The following CHD2 variants were observed in gnomAD, a reference collection of about 807,000 sequenced individuals.
CHD2 encodes the protein chromodomain helicase DNA binding protein 2, also known as ATP-dependent chromatin remodeler CHD2.
In CHD2, 28 loss-of-function variants were observed where a neutral mutation model predicts 243.9. The ratio of observed to expected loss-of-function variants is 0.11; its 90% CI spans 0.09 to 0.16. The LOEUF is 0.16. CHD2 is among the 10% of genes least tolerant of loss of function. CHD2 has a pLI of 1.00. For missense variants in CHD2, 1,386 were observed against 2,209.8 expected (o/e 0.63, Z 7.47); for synonymous variants, 775 against 779.0 (o/e 0.99, Z 0.09).
intron 38 of CHD2, chr15:93,020,697 A>G: frequency 4.2e-6 from 1 of 237,018 alleles, no homozygotes; most frequent in Non-Finnish European, 8.2e-6. Flanking sequence ...CACCAGTAGT[A>G]CGATGAGCCG....
intron 36 of CHD2, 30 bp downstream of exon 36, chr15:93,012,474 C>T (rs760183600): frequency 4.9e-6 from 7 of 1,436,872 alleles, no homozygotes; most frequent in South Asian, 3.8e-5. Context: ...CTAATTCATA[C>T]AAACAAATAC....
intron 22 of CHD2, 102 bp downstream of exon 22, chr15:92,979,385 C>G: frequency 7.2e-7 from 1 of 1,385,344 alleles, no homozygotes; most frequent in Non-Finnish European, 9.8e-7. Flanking sequence ...CTGTTCATTA[C>G]CTGGAAGATG....
intron 1 of CHD2, among the ~76,000 whole-genome samples, 166 bp downstream of exon 1, chr15:92,900,990 C>T (rs2052521076): frequency 6.7e-6 from 1 of 150,280 alleles, no homozygotes; most frequent in African/African-American, 2.5e-5. Flanking sequence ...GTGATGCTTC[C>T]ACTGTTCGGT....
chr15:92,936,395 A>C (rs569448084), intron 5 of CHD2, among the ~76,000 whole-genome samples: 1 of 152,344 alleles, frequency 6.6e-6, no homozygotes, highest in East Asian at 1.9e-4. Context: ...CTTGCCTGTC[A>C]GTTTTTTCCT....
rs1371566655 is a variant in CHD2 at position 93,009,368 on chromosome 15, T to C, written c.4592+45T>C. On this transcript the variant is annotated intron_variant, in intron 35 of 38. Coordinates refer to ENST00000394196, the MANE Select transcript of CHD2 (RefSeq NM_001271.4). ...CTGCCCAGTTTGATTTGACTGAGTGTGGGAGTGGATTCTGTTTTCTTTTAA... is the reference window on the plus strand; with the variant it reads ...CTGCCCAGTTTGATTTGACTGAGTGCGGGAGTGGATTCTGTTTTCTTTTAA... 1.9e-6 allele frequency: 3 copies of C among 1,555,726 alleles called. No individual in the cohort carries two copies. In the Admixed American group the frequency reaches 5.8e-5, roughly 30 times the overall value.
At chr15:92,903,578 ACG>A (rs2052561773) in intron 2 of CHD2, among the ~76,000 whole-genome samples, 1 of 152,184 alleles carries the variant, frequency 6.6e-6, no homozygotes, top group Non-Finnish European at 1.5e-5. Context: ...ACTTTAAAAA[ACG>A]CGATTTTAAA....
intron 14 of CHD2, 185 bp downstream of exon 14, chr15:92,953,758 T>C (rs796444688): frequency 1.7e-6 from 1 of 599,480 alleles, no homozygotes; most frequent in African/African-American, 1.9e-5. Context: ...ACAAATATGC[T>C]TACTAGTTAA....
At chr15:92,940,311 G>C (rs1179770065) in intron 7 of CHD2, among the ~76,000 whole-genome samples, 2 of 152,120 alleles carry the variant, frequency 1.3e-5, no homozygotes, top group African/African-American at 4.8e-5. Flanking sequence ...AAAAAGCCGA[G>C]TGTGGTGGCG....
intron 37 of CHD2, among the ~76,000 whole-genome samples, chr15:93,015,870 G>T (rs1287338959): frequency 6.6e-6 from 1 of 152,204 alleles, no homozygotes; most frequent in Non-Finnish European, 1.5e-5. Flanking sequence ...GGTTGCCAAG[G>T]ATGTGGAGGA....
rs554413693 is a variant in CHD2, at chr15:93,003,623, T to C, written c.4279-994T>C. ...GGCCAGGCGGGGGGAGACGCTGATA[T>C]CTTTTGTATTTCATGAACATATGAC... On this transcript the variant is annotated intron_variant, in intron 33 of 38. Coordinates refer to ENST00000394196, the MANE Select transcript of CHD2 (RefSeq NM_001271.4). Among the ~76,000 whole-genome samples the C allele has an allele frequency of 7.3e-5, 11 of 150,870 alleles. No homozygotes were observed. The South Asian group carries it at 1.3e-3, about 17-fold the overall frequency.
intron 5 of CHD2, among the ~76,000 whole-genome samples, chr15:92,934,386 G>A (rs9920742): frequency 2.6e-5 from 4 of 151,694 alleles, no homozygotes; most frequent in Admixed American, 1.3e-4. Flanking sequence ...CAAAATTTCG[G>A]GAAAAATTTA....
At chr15:92,946,366 A>G (rs1301571039) in intron 12 of CHD2, 150 bp downstream of exon 12, 2 of 522,880 alleles carry the variant, frequency 3.8e-6, no homozygotes, top group Non-Finnish European at 6.4e-6. Context: ...CATTAAAGCA[A>G]AAGGAGAGAA....
At position 93,024,811 on chromosome 15, in the gene CHD2, TGC is replaced by T. The variant is rs1253906332; in HGVS notation, c.*107_*108del. 3 of 942,312 alleles carry T rather than the reference TGC, an allele frequency of 3.2e-6. No homozygotes were observed. Among genetic ancestry groups the T allele is most frequent in the Non-Finnish European group, 4.7e-6 (3 of 638,204 alleles). 58.4% of individuals were successfully genotyped at this position (942,312 alleles called of 1,614,324 possible). On this transcript the variant is annotated 3_prime_UTR_variant, in exon 39 of 39. Transcript: ENST00000394196. ...AGACCAGTAAGTGGAGTTTTGGACA[TGC>T]TGCTGCTGTCAACTCACTGGCTGAA...
intron 5 of CHD2, 36 bp downstream of exon 5, chr15:92,929,127 A>G (rs1408666043): frequency 1.3e-6 from 2 of 1,568,762 alleles, no homozygotes; most frequent in South Asian, 2.3e-5. Context: ...TCAATCTAGT[A>G]GTTTCAAACT....
rs745705774 is a variant in CHD2, at chr15:92,937,618, C to T, written c.544C>T (p.Pro182Ser). The stretch of plus-strand genomic sequence containing the variant: ...AAAAGTAAAAGCCAGAAGACCTGTC[C>T]CCAGAAGGTGCACTGTTTGCTTAAG... ...QKKVKARRPVPRRTVPKPRVK... is the reference protein window; with the variant it reads ...QKKVKARRPVSRRTVPKPRVK... Residue 182 changes from proline to serine, a missense_variant, in exon 6 of 39, where the codon CCC (proline) becomes TCC (serine). Physicochemically the swap from Pro to Ser is moderately conservative, Grantham distance 74 (BLOSUM62 -1). This residue lies in a region of CHD2 where 90 missense variants were observed against 78.0 expected (regional missense o/e 1.15). Transcript: ENST00000394196. 5 of 1,611,510 alleles carry T rather than the reference C, an allele frequency of 3.1e-6. No individual in the cohort carries two copies. Among genetic ancestry groups the T allele is most frequent in the African/African-American group, 1.3e-5 (1 of 74,800 alleles).
In CHD2 at chr15:93,000,425, A is replaced by C. The variant is rs867454870; in HGVS notation, c.4009-87A>C. 15 of 1,288,358 alleles carry C rather than the reference A, an allele frequency of 1.2e-5. No individual in the cohort carries two copies. In the African/African-American group the frequency reaches 1.8e-4, roughly 15 times the overall value. 79.8% of individuals were successfully genotyped at this position (1,288,358 alleles called of 1,614,324 possible). ...TTCTTGTTTGAATTATATGGCTGCT[A>C]CTGCTTTAAAGAGTCATCATGTTGT... On this transcript the variant is annotated intron_variant, in intron 31 of 38. Transcript: ENST00000394196.
At chr15:93,021,933 G>A (rs2054539099) in intron 38 of CHD2, 2 of 152,166 alleles carry the variant, frequency 1.3e-5, no homozygotes, top group Non-Finnish European at 2.9e-5. Flanking sequence ...CTGTATTCCT[G>A]TAAGTATTCT....
chr15:92,900,858 AT>A, intron 1 of CHD2, 34 bp downstream of exon 1: 2 of 405,698 alleles, frequency 4.9e-6, no homozygotes, highest in Non-Finnish European at 8.6e-6. Flanking sequence ...AATTTTAAAG[AT>A]TTATTTGTTT....
chr15:92,942,328 T>C (rs1195949891), intron 8 of CHD2, among the ~76,000 whole-genome samples: 1 of 152,102 alleles, frequency 6.6e-6, no homozygotes, highest in Non-Finnish European at 1.5e-5. Context: ...AATTTAGATA[T>C]CTCATAACTA....
Sources: gnomAD v4.1 joint callset for allele counts (sites outside exome capture counted in the v4.1 genomes callset) on GRCh38, gnomAD v4.1.1 for gene constraint, gnomAD v4.1.1 regional missense constraint, MANE v1.5 for transcripts, NCBI Gene and HGNC (gene_info 2026-07-23, HGNC 2026-07-21) for gene names.